CPO: variants seen among roughly 807,000 people sequenced by gnomAD.
The protein encoded by CPO is metallocarboxypeptidase C.
A neutral mutation model predicts 41.2 loss-of-function variants in CPO; 43 were observed. That is an observed-to-expected ratio of 1.04 (90% CI 0.82 to 1.35). CPO has a LOEUF of 1.35. CPO is among the 40% of genes most tolerant of loss of function. The probability of loss-of-function intolerance (pLI) is 0.00; values close to 1 mark genes in which losing one functional copy is unlikely to be tolerated. For synonymous variants in CPO, 178 were observed against 162.7 expected, an observed-to-expected ratio of 1.09 and a Z score of -0.72; for missense variants, 408 against 451.7, an observed-to-expected ratio of 0.90 and a Z score of 0.88.
chr2:206,945,540 CT>C (rs1232444720), intron 1 of CPO, among the ~76,000 whole-genome samples: 1 of 152,176 alleles, frequency 6.6e-6, no homozygotes, highest in African/African-American at 2.4e-5. Context: ...CTCTGTGACT[CT>C]TTGCTAATTA....
intron 4 of CPO, 150 bp downstream of exon 4, chr2:206,958,555 G>A (rs1693416641): frequency 2.1e-6 from 1 of 482,742 alleles, no homozygotes; most frequent in Non-Finnish European, 3.7e-6. Flanking sequence ...TAAAATTAAT[G>A]AGGAACTTCA....
rs1256076306 is a variant in CPO, at chr2:206,969,409, G to A, written c.1098G>A (p.Leu366=). 3 of 1,613,926 alleles carry A rather than the reference G, an allele frequency of 1.9e-6. No individual in the cohort carries two copies. Among genetic ancestry groups the A allele is most frequent in the East Asian group, 2.2e-5 (1 of 44,862 alleles). Residue 366 remains leucine (L), a synonymous_variant, in exon 9 of 9, where the codon CTG becomes CTA. Coordinates refer to ENST00000272852, the MANE Select transcript of CPO (RefSeq NM_173077.3). ...RVTSATMLLG[L]LVSCMSLL ...CATCTGCCACTATGCTGCTGGGCCT[G>A]CTGGTGTCCTGCATGTCTCTTCTCT...
chr2:206,945,868 G>A (rs958157159), intron 1 of CPO, among the ~76,000 whole-genome samples: 7 of 151,758 alleles, frequency 4.6e-5, no homozygotes, highest in South Asian at 2.1e-4. Flanking sequence ...CCTGGGAGGC[G>A]GAGGTTGCAG....
Position 206,960,956 on chromosome 2 carries a change from T to C in CPO, c.574+14T>C. 1 of 1,492,180 alleles carries C rather than the reference T, an allele frequency of 6.7e-7. No homozygotes were observed. The highest frequency in any genetic ancestry group is 1.1e-5 in the South Asian group (1 of 88,442). 92.4% of individuals were successfully genotyped at this position (1,492,180 alleles called of 1,614,324 possible). On this transcript the variant is annotated intron_variant, in intron 6 of 8. Coordinates refer to ENST00000272852, the MANE Select transcript of CPO (RefSeq NM_173077.3). ...CATCTTGGTGTAGTAAGTACATGCT[T>C]AGTAGATGAATTATGAACAAATAAA...
intron 1 of CPO, 26 bp from the exon 2 acceptor site, chr2:206,949,591 T>C (rs1171888122): frequency 6.4e-7 from 1 of 1,568,518 alleles, no homozygotes; most frequent in East Asian, 2.2e-5. Flanking sequence ...ACCACTGCTT[T>C]TCCTCTTACT....
intron 1 of CPO, among the ~76,000 whole-genome samples, chr2:206,948,580 A>G (rs1433258560): frequency 6.6e-6 from 1 of 152,162 alleles, no homozygotes; most frequent in Non-Finnish European, 1.5e-5. Context: ...CCTGAGCAAC[A>G]CAGTGAGACC....
chr2:206,959,409 G>A (rs1693436396), intron 4 of CPO, among the ~76,000 whole-genome samples: 1 of 152,166 alleles, frequency 6.6e-6, no homozygotes, highest in Non-Finnish European at 1.5e-5. Flanking sequence ...GGGTAAGGGA[G>A]AGTGGATGCC....
chr2:206,962,683 C>A, intron 7 of CPO, 69 bp downstream of exon 7: 1 of 1,344,758 alleles, frequency 7.4e-7, no homozygotes, highest in South Asian at 1.2e-5. Flanking sequence ...TTCTGATTTC[C>A]ATTTCCAAGA....
intron 1 of CPO, among the ~76,000 whole-genome samples, chr2:206,949,234 A>G (rs1220606740): frequency 6.6e-6 from 1 of 152,208 alleles, no homozygotes; most frequent in Non-Finnish European, 1.5e-5. Context: ...CCTATCTCAG[A>G]GTTTTAGAGA....
Position 206,960,954 on chromosome 2 carries a change from CT to C in CPO, c.574+14del. 6.7e-7 allele frequency: 1 copy of C among 1,497,268 alleles called. No individual in the cohort carries two copies. Among genetic ancestry groups the C allele is most frequent in the Non-Finnish European group, 9.3e-7 (1 of 1,073,434 alleles). 92.7% of individuals were successfully genotyped at this position (1,497,268 alleles called of 1,614,324 possible). On this transcript the variant is annotated intron_variant, in intron 6 of 8. Transcript: ENST00000272852. Reference sequence around the variant, plus strand: ...TGCATCTTGGTGTAGTAAGTACATGCTTAGTAGATGAATTATGAACAAATAA... The same window carrying C: ...TGCATCTTGGTGTAGTAAGTACATGCTAGTAGATGAATTATGAACAAATAA...
chr2:206,952,064 A>T (rs1693275092), intron 2 of CPO, among the ~76,000 whole-genome samples: 1 of 152,254 alleles, frequency 6.6e-6, no homozygotes, highest in Admixed American at 6.5e-5. Context: ...TGCTAAAATG[A>T]ATGTCAATTG....
chr2:206,964,081 T>C (rs1201220159), intron 7 of CPO, among the ~76,000 whole-genome samples: 2 of 152,258 alleles, frequency 1.3e-5, no homozygotes. Context: ...AAGCTTGCTC[T>C]GTTCTTAATA....
intron 1 of CPO, among the ~76,000 whole-genome samples, chr2:206,943,222 C>G (rs1693061250): frequency 6.6e-6 from 1 of 152,080 alleles, no homozygotes; most frequent in Admixed American, 6.6e-5. Flanking sequence ...ATTTGCTAAA[C>G]TATGTGAAGG....
rs550661545 is a variant in CPO at position 206,962,943 on chromosome 2, C to T, written c.777+329C>T. Among the ~76,000 whole-genome samples, 116 of 152,264 alleles carry T rather than the reference C, an allele frequency of 7.6e-4. 2 individuals are homozygous for T. Among genetic ancestry groups the T allele is most frequent in the African/African-American group, 2.6e-3 (108 of 41,548 alleles). On this transcript the variant is annotated intron_variant, in intron 7 of 8. Transcript: ENST00000272852. ...ATTTCTGTAAATTCTCTTGGAGCTC[C>T]GTTCAGCAATTACAGCTTTTGAACC...
At chr2:206,959,885 T>C (rs548128964) in intron 5 of CPO, 144 bp downstream of exon 5, 1 of 514,418 alleles carries the variant, frequency 1.9e-6, no homozygotes, top group Non-Finnish European at 3.5e-6. Context: ...AAAAATCAGC[T>C]TAACATTTTT....
chr2:206,943,175 C>T (rs879732525), intron 1 of CPO, among the ~76,000 whole-genome samples: 20 of 152,150 alleles, frequency 1.3e-4, no homozygotes, highest in Admixed American at 1.3e-3. Flanking sequence ...TTTCCTAGAC[C>T]ACTGAGTAGA....
intron 1 of CPO, among the ~76,000 whole-genome samples, chr2:206,940,826 C>T (rs982978581): frequency 1.3e-5 from 2 of 152,076 alleles, no homozygotes. Flanking sequence ...CAATTTTTGT[C>T]CCACAATAAT....
intron 3 of CPO, among the ~76,000 whole-genome samples, chr2:206,957,517 C>A (rs1693392190): frequency 6.6e-6 from 1 of 152,144 alleles, no homozygotes; most frequent in African/African-American, 2.4e-5. Context: ...TTGTAAGTTT[C>A]TCATAGAGAG....
At chr2:206,953,491 T>C (rs1274082064) in intron 2 of CPO, among the ~76,000 whole-genome samples, 2 of 152,258 alleles carry the variant, frequency 1.3e-5, no homozygotes, top group Non-Finnish European at 2.9e-5. Flanking sequence ...CAGGTCATGC[T>C]GATGCAAGAG....
Sources: gnomAD v4.1 joint callset for allele counts (sites outside exome capture counted in the v4.1 genomes callset) on GRCh38, gnomAD v4.1.1 for gene constraint, MANE v1.5 for transcripts, NCBI Gene and HGNC (gene_info 2026-07-23, HGNC 2026-07-21) for gene names.